Variants in EXOC3L2 observed in about 807,000 individuals in gnomAD.
EXOC3L2 encodes the protein exocyst complex component 3-like protein 2.
A neutral mutation model predicts 44.4 loss-of-function variants in EXOC3L2; 17 were observed. That is an observed-to-expected ratio of 0.38 (90% CI 0.26 to 0.57). The LOEUF is 0.57. Among genes scored for constraint, EXOC3L2 ranks in the 20% least tolerant of loss-of-function variants. The probability of loss-of-function intolerance (pLI) is 0.65; values close to 1 mark genes in which losing one functional copy is unlikely to be tolerated. For missense variants in EXOC3L2, 541 were observed against 588.4 expected, an observed-to-expected ratio of 0.92 and a Z score of 0.83; for synonymous variants, 256 against 253.7, an observed-to-expected ratio of 1.01 and a Z score of -0.09.
chr19:45,231,731 C>A, intron 4 of EXOC3L2, 32 bp downstream of exon 4: 1 of 1,582,200 alleles, frequency 6.3e-7, no homozygotes, highest in South Asian at 1.1e-5. Context: ...TCCACAGCAC[C>A]TCCTGCTTCC....
intron 8 of EXOC3L2, 117 bp downstream of exon 8, chr19:45,224,661 C>T (rs531668975): frequency 1.1e-5 from 16 of 1,395,504 alleles, no homozygotes; most frequent in South Asian, 3.0e-5. Context: ...CCCTGCCCCC[C>T]GCCCCTGTCT....
rs1029631030 is a variant in EXOC3L2 at position 45,238,030 on chromosome 19, C to T, written c.523+493G>A. Among the ~76,000 whole-genome samples the T allele has an allele frequency of 3.9e-5, 6 of 151,916 alleles. No individual in the cohort carries two copies. Among genetic ancestry groups the T allele is most frequent in the South Asian group, 2.1e-4 (1 of 4,806 alleles). Reference sequence around the variant, plus strand: ...GCACATGCCTGTAATATCAGCTACTCGGGAGGCTGAGGCAGGAGAATTGTT... The same window carrying T: ...GCACATGCCTGTAATATCAGCTACTTGGGAGGCTGAGGCAGGAGAATTGTT... On this transcript the variant is annotated intron_variant, in intron 2 of 11. Transcript: ENST00000413988. This position sits in a 1 kb window ranked among gnomAD's most constrained non-coding sequence, Gnocchi z 5.5.
rs770315893 is a variant in EXOC3L2 at position 45,234,312 on chromosome 19, G to A, written c.1038C>T (p.Gly346=). 2.5e-4 allele frequency: 97 copies of A among 384,062 alleles called. No homozygotes were observed. The highest frequency in any genetic ancestry group is 4.1e-4 in the Non-Finnish European group (89 of 216,646). The allele number at this position is 384,062 out of a possible 1,614,324, so 23.8% of individuals were successfully genotyped here. A position where few individuals can be genotyped will look rare whatever the true frequency, so the allele number is the denominator to read the frequency against. ...CCCCGTGGTAGCCGCGCAGGTAGAC[G>A]CCGAAGGCGCCCAGGCCGGCGGGGT... ...PAYPAGLGAF[G]VYLRGYHGAL... is the part of the protein sequence containing the mutation. The change falls in exon 3 of 12, where the codon GGC becomes GGT. Residue 346 remains glycine (G), a synonymous_variant. Coordinates refer to ENST00000413988, the MANE Select transcript of EXOC3L2 (RefSeq NM_001382422.1). This position sits in a 1 kb window ranked among gnomAD's most constrained non-coding sequence, Gnocchi z 5.0.
chr19:45,218,118 C>T, intron 9 of EXOC3L2, 79 bp downstream of exon 9: 1 of 1,393,806 alleles, frequency 7.2e-7, no homozygotes, highest in Non-Finnish European at 9.5e-7. Context: ...TCCCAATCTC[C>T]CCTCTTCCCG....
intron 8 of EXOC3L2, among the ~76,000 whole-genome samples, chr19:45,219,137 T>C (rs980205788): frequency 1.3e-5 from 2 of 151,660 alleles, no homozygotes; most frequent in Non-Finnish European, 2.9e-5. Flanking sequence ...TGCTTGAACC[T>C]AGGAGGTGGA....
At chr19:45,230,510 G>A (rs1016449409) in intron 4 of EXOC3L2, among the ~76,000 whole-genome samples, 5 of 152,084 alleles carry the variant, frequency 3.3e-5, no homozygotes, top group African/African-American at 1.2e-4. Flanking sequence ...GAGCCACTGT[G>A]CCCGGCCACA....
At chr19:45,235,740 C>T (rs1211904323) in intron 2 of EXOC3L2, among the ~76,000 whole-genome samples, 1 of 152,168 alleles carries the variant, frequency 6.6e-6, no homozygotes, top group Non-Finnish European at 1.5e-5. Context: ...TTCCAGAAGG[C>T]GGGGCTCTAG....
intron 2 of EXOC3L2, among the ~76,000 whole-genome samples, chr19:45,237,448 C>G (rs2122990261): frequency 6.6e-6 from 1 of 152,196 alleles, no homozygotes. Flanking sequence ...CTGCAGAGAG[C>G]CATGATTGCA....
chr19:45,219,819 C>G (rs1215140730), intron 8 of EXOC3L2, among the ~76,000 whole-genome samples: 2 of 152,154 alleles, frequency 1.3e-5, no homozygotes, highest in Non-Finnish European at 2.9e-5. Flanking sequence ...GCAAATGCAC[C>G]AAATGAATTG....
At chr19:45,242,331 C>T (rs1970137349) in intron 1 of EXOC3L2, among the ~76,000 whole-genome samples, 1 of 152,122 alleles carries the variant, frequency 6.6e-6, no homozygotes, top group Non-Finnish European at 1.5e-5. Context: ...GAGGCGTGAT[C>T]ATGGCTGGCT....
At chr19:45,216,301 G>A (rs978135137) in intron 10 of EXOC3L2, 107 bp from the exon 11 acceptor site, 1 of 1,437,446 alleles carries the variant, frequency 7.0e-7, no homozygotes, top group Non-Finnish European at 9.3e-7. Context: ...AGAAACCAGG[G>A]GTGGTGGCTC....
chr19:45,213,101 G>C lies in EXOC3L2; in HGVS notation c.2377C>G (p.Pro793Ala), dbSNP rs547474737. 2.0e-6 allele frequency: 3 copies of C among 1,529,992 alleles called. No homozygotes were observed. The African/African-American group carries it at 4.2e-5, about 21-fold the overall frequency. 94.8% of individuals were successfully genotyped at this position (1,529,992 alleles called of 1,614,324 possible). Reference protein sequence around the residue: ...SLACLPRPRPPSLARPRAQR With the variant: ...SLACLPRPRPASLARPRAQR Reference sequence around the variant, plus strand: ...TGGGCCCGAGGTCGCGCTAGAGACGGAGGCCGGGGCCGAGGCAGACAGGCC... The same window carrying C: ...TGGGCCCGAGGTCGCGCTAGAGACGCAGGCCGGGGCCGAGGCAGACAGGCC... The change falls in exon 12 of 12, where the codon CCG becomes GCG. Residue 793 changes from proline (P) to alanine (A), a missense_variant. Coordinates refer to ENST00000413988, the MANE Select transcript of EXOC3L2 (RefSeq NM_001382422.1).
At position 45,213,185 on chromosome 19, in the gene EXOC3L2, GACA is replaced by G; in HGVS notation, c.2290_2292del (p.Cys764del). The G allele has an allele frequency of 6.2e-7, 1 of 1,606,350 alleles. No homozygotes were observed. The highest frequency in any genetic ancestry group is 8.5e-7 in the Non-Finnish European group (1 of 1,176,194). Reference sequence around the variant, plus strand: ...CGGCCCAGGAAGAGAGGGAGGCTGAGACAGAAAGATGGGCGGGGCACAGGGATG... The same window carrying G: ...CGGCCCAGGAAGAGAGGGAGGCTGAGGAAAGATGGGCGGGGCACAGGGATG... On this transcript the variant is annotated inframe_deletion, in exon 12 of 12. Transcript: ENST00000413988.
intron 8 of EXOC3L2, among the ~76,000 whole-genome samples, chr19:45,218,644 G>C (rs549275942): frequency 4.6e-5 from 7 of 152,242 alleles, no homozygotes; most frequent in African/African-American, 1.4e-4. Context: ...CTGAGGCCCT[G>C]GTGATGATCT....
intron 2 of EXOC3L2, among the ~76,000 whole-genome samples, chr19:45,235,199 G>T (rs1459018966): frequency 6.6e-6 from 1 of 152,162 alleles, no homozygotes; most frequent in Non-Finnish European, 1.5e-5. Flanking sequence ...TACTCGAGAG[G>T]CAGGAGAATC....
chr19:45,224,656 C>T (rs562664093), intron 8 of EXOC3L2, 122 bp downstream of exon 8: 26 of 1,374,970 alleles, frequency 1.9e-5, no homozygotes, highest in Non-Finnish European at 2.3e-5. Context: ...ACTGCCCCTG[C>T]CCCCCGCCCC....
chr19:45,215,922 T>G, intron 11 of EXOC3L2, 151 bp downstream of exon 11: 1 of 1,112,412 alleles, frequency 9.0e-7, no homozygotes, highest in Non-Finnish European at 1.2e-6. Flanking sequence ...GGAAATCTTA[T>G]TAATAATGCC....
intron 4 of EXOC3L2, among the ~76,000 whole-genome samples, chr19:45,229,244 A>C (rs1239863225): frequency 8.2e-6 from 1 of 122,174 alleles, no homozygotes; most frequent in Non-Finnish European, 1.7e-5. Context: ...TATGTATTAA[A>C]TATATACATA....
rs188857795 is a variant in EXOC3L2, at chr19:45,236,888, C to T, written c.523+1635G>A. Among the ~76,000 whole-genome samples, 123 of 151,834 alleles carry T rather than the reference C, an allele frequency of 8.1e-4. 1 individual carries two copies. The highest frequency in any genetic ancestry group is 2.9e-3 in the African/African-American group (118 of 41,376). Reference sequence around the variant, plus strand: ...TGGATGGTGATGCATGCCTGTAATCCCAGCTACTCAGGAGGTTGAGACAGG... The same window carrying T: ...TGGATGGTGATGCATGCCTGTAATCTCAGCTACTCAGGAGGTTGAGACAGG... On this transcript the variant is annotated intron_variant, in intron 2 of 11. Coordinates refer to ENST00000413988, the MANE Select transcript of EXOC3L2 (RefSeq NM_001382422.1).
Sources: allele counts gnomAD v4.1 joint callset (sites outside exome capture counted in the v4.1 genomes callset), GRCh38; gene constraint gnomAD v4.1.1; non-coding constraint Gnocchi (gnomAD v3.1); transcripts MANE v1.5; gene names NCBI Gene and HGNC (gene_info 2026-07-23, HGNC 2026-07-21).